NTRK2: variants seen among roughly 807,000 people sequenced by gnomAD.
The protein encoded by NTRK2 is neurotrophic receptor tyrosine kinase 2.
NTRK2 carries 13 observed loss-of-function variants against 94.5 expected under a neutral mutation model. The observed-to-expected ratio is 0.14, with a 90% confidence interval of 0.09 to 0.22. The LOEUF is 0.22. NTRK2 is among the 10% of genes least tolerant of loss of function. NTRK2 has a pLI of 1.00. For synonymous variants in NTRK2, 372 were observed against 407.4 expected (o/e 0.91, Z 1.05); for missense variants, 639 against 1,071.2 (o/e 0.60, Z 5.63).
At chr9:85,020,690 T>C (rs1390978634) in intron 18 of NTRK2, among the ~76,000 whole-genome samples, 1 of 152,206 alleles carries the variant, frequency 6.6e-6, no homozygotes, top group African/African-American at 2.4e-5. Flanking sequence ...TTCTTTAGTA[T>C]TGTTCCAATG....
chr9:84,992,195 G>A (rs995388410), intron 17 of NTRK2, among the ~76,000 whole-genome samples: 1 of 152,174 alleles, frequency 6.6e-6, no homozygotes, highest in Non-Finnish European at 1.5e-5. Flanking sequence ...TGATACCTGG[G>A]GGTATCAAGT....
At position 84,960,297 on chromosome 9, in the gene NTRK2, A is replaced by G. The variant is rs572758906; in HGVS notation, c.2172+4780A>G. Among the ~76,000 whole-genome samples, 12 of 152,258 alleles carry G rather than the reference A, an allele frequency of 7.9e-5. No homozygotes were observed. In the East Asian group the frequency reaches 2.3e-3, roughly 29 times the overall value. On this transcript the variant is annotated intron_variant, in intron 17 of 18. Transcript: ENST00000277120. ...CAAGTGGCCAGATGAACAGATATGA[A>G]TTTTAGCACCTTTCACCTTACCCTA...
At chr9:84,757,013 C>A (rs2065142345) in intron 12 of NTRK2, among the ~76,000 whole-genome samples, 1 of 152,142 alleles carries the variant, frequency 6.6e-6, no homozygotes, top group African/African-American at 2.4e-5. Flanking sequence ...GAGCTGAAAA[C>A]AATTCTGGGA....
intron 12 of NTRK2, among the ~76,000 whole-genome samples, chr9:84,755,014 G>C (rs369193885): frequency 6.6e-6 from 1 of 152,324 alleles, no homozygotes; most frequent in African/African-American, 2.4e-5. Context: ...CTACAGCTGA[G>C]TGCAGGGCAA....
intron 17 of NTRK2, among the ~76,000 whole-genome samples, chr9:84,958,367 A>G (rs978140070): frequency 6.6e-6 from 1 of 152,264 alleles, no homozygotes; most frequent in African/African-American, 2.4e-5. Context: ...CATTGTAAAA[A>G]CACTGGACTT....
intron 17 of NTRK2, among the ~76,000 whole-genome samples, chr9:84,957,452 A>G (rs1411355506): frequency 6.6e-6 from 1 of 152,250 alleles, no homozygotes; most frequent in Non-Finnish European, 1.5e-5. Context: ...AAGGTTCTGA[A>G]TAGACATTTC....
chr9:84,927,940 T>A (rs1484018127), intron 14 of NTRK2, among the ~76,000 whole-genome samples: 1 of 152,190 alleles, frequency 6.6e-6, no homozygotes, highest in Non-Finnish European at 1.5e-5. Context: ...TGAGGTGTCA[T>A]CTGTAAAATA....
intron 17 of NTRK2, among the ~76,000 whole-genome samples, chr9:85,012,383 C>T (rs905573356): frequency 1.3e-5 from 2 of 152,128 alleles, no homozygotes; most frequent in Admixed American, 6.5e-5. Flanking sequence ...TTAGCAAACA[C>T]GGTCACTTAA....
intron 14 of NTRK2, among the ~76,000 whole-genome samples, chr9:84,905,510 G>A (rs1237373362): frequency 6.6e-6 from 1 of 152,060 alleles, no homozygotes; most frequent in Non-Finnish European, 1.5e-5. Flanking sequence ...TCATTCATGG[G>A]TCACAAACAA....
intron 17 of NTRK2, among the ~76,000 whole-genome samples, chr9:84,992,168 G>A (rs1191987637): frequency 1.3e-5 from 2 of 152,132 alleles, no homozygotes; most frequent in African/African-American, 4.8e-5. Flanking sequence ...ATGTGTCCCA[G>A]GATATTGGTG....
At chr9:84,981,171 C>T (rs1827552572) in intron 17 of NTRK2, among the ~76,000 whole-genome samples, 2 of 152,230 alleles carry the variant, frequency 1.3e-5, no homozygotes, top group Admixed American at 6.5e-5. Flanking sequence ...ACTTCCGCCT[C>T]CTGGGTTCAA....
intron 12 of NTRK2, among the ~76,000 whole-genome samples, chr9:84,820,684 A>G (rs951469311): frequency 2.6e-5 from 4 of 152,348 alleles, no homozygotes; most frequent in South Asian, 2.1e-4. Context: ...AAATTTGTGT[A>G]TAAGCGGACC....
intron 16 of NTRK2, among the ~76,000 whole-genome samples, chr9:84,951,218 T>C (rs972436254): frequency 6.6e-6 from 1 of 152,218 alleles, no homozygotes; most frequent in African/African-American, 2.4e-5. Flanking sequence ...CAGGTGGAAT[T>C]AGGAATATAT....
At chr9:84,750,724 T>C (rs1233216100) in intron 11 of NTRK2, among the ~76,000 whole-genome samples, 1 of 152,248 alleles carries the variant, frequency 6.6e-6, no homozygotes, top group Non-Finnish European at 1.5e-5. Context: ...ATCTGACCTT[T>C]ACAGCAAAAG....
At chr9:84,844,979 A>G (rs552660365) in intron 12 of NTRK2, among the ~76,000 whole-genome samples, 2 of 152,240 alleles carry the variant, frequency 1.3e-5, no homozygotes, top group African/African-American at 4.8e-5. Context: ...GGATGCGGTG[A>G]AAAAGGAACA....
intron 17 of NTRK2, among the ~76,000 whole-genome samples, chr9:84,968,942 G>T (rs953434082): frequency 2.0e-5 from 3 of 152,126 alleles, no homozygotes; most frequent in African/African-American, 7.2e-5. Flanking sequence ...GCTGTCTTGG[G>T]TCTTTTTGGC....
chr9:84,672,212 T>A (rs2058744020), intron 2 of NTRK2, among the ~76,000 whole-genome samples: 1 of 152,206 alleles, frequency 6.6e-6, no homozygotes, highest in Admixed American at 6.5e-5. Context: ...CCTGTTCTGC[T>A]GCTGATGCTT....
chr9:84,728,768 G>A (rs2062636608), intron 9 of NTRK2, among the ~76,000 whole-genome samples: 1 of 152,210 alleles, frequency 6.6e-6, no homozygotes, highest in Non-Finnish European at 1.5e-5. Context: ...AGGATGGCTA[G>A]CATCAGGGGT....
chr9:84,834,087 G>T (rs1319389582), intron 12 of NTRK2, among the ~76,000 whole-genome samples: 2 of 152,170 alleles, frequency 1.3e-5, no homozygotes, highest in East Asian at 1.9e-4. Context: ...AGCTTAGCTG[G>T]AGAGGTGGGC....
Sources: gnomAD v4.1 joint callset for allele counts (sites outside exome capture counted in the v4.1 genomes callset) on GRCh38, gnomAD v4.1.1 for gene constraint, MANE v1.5 for transcripts, NCBI Gene and HGNC (gene_info 2026-07-23, HGNC 2026-07-21) for gene names.